MPP7: variants seen among roughly 807,000 people sequenced by gnomAD.
MPP7 encodes the protein MAGUK p55 subfamily member 7.
A neutral mutation model predicts 76.5 loss-of-function variants in MPP7; 60 were observed. The observed-to-expected ratio is 0.78, with a 90% CI of 0.64 to 0.97. The LOEUF is 0.97. MPP7 is among the 50% of genes least tolerant of loss of function. The pLI is 0.00. For missense variants in MPP7, 641 were observed against 694.0 expected (o/e 0.92, Z 0.86); for synonymous variants, 237 against 244.5 (o/e 0.97, Z 0.29).
intron 5 of MPP7, among the ~76,000 whole-genome samples, chr10:28,144,039 C>A (rs913708991): frequency 6.6e-6 from 1 of 152,100 alleles, no homozygotes; most frequent in Non-Finnish European, 1.5e-5. Context: ...CACCTGCCAC[C>A]GCCACCATAC....
At chr10:28,078,054 T>A (rs1327506503) in intron 12 of MPP7, among the ~76,000 whole-genome samples, 1 of 152,208 alleles carries the variant, frequency 6.6e-6, no homozygotes, top group Non-Finnish European at 1.5e-5. Context: ...GGCATGTGGC[T>A]TAGCTGGTGC....
chr10:28,138,350 C>T (rs1380886267), intron 5 of MPP7, among the ~76,000 whole-genome samples: 1 of 152,112 alleles, frequency 6.6e-6, no homozygotes, highest in Non-Finnish European at 1.5e-5. Context: ...CATCAATGCC[C>T]CTAAATGCCA....
chr10:28,058,645 A>G (rs1345867936), intron 14 of MPP7, 42 bp from the exon 15 acceptor site: 1 of 1,099,162 alleles, frequency 9.1e-7, no homozygotes, highest in Admixed American at 2.2e-5. Flanking sequence ...GTGAATTTAA[A>G]ACAATTATAG....
At chr10:28,276,326 T>C (rs1840496177) in intron 1 of MPP7, among the ~76,000 whole-genome samples, 1 of 152,116 alleles carries the variant, frequency 6.6e-6, no homozygotes, top group Non-Finnish European at 1.5e-5. Flanking sequence ...CCACCGTGCC[T>C]GGCCTTGTCA....
At position 28,059,642 on chromosome 10, in the gene MPP7, C is replaced by G. The variant is rs780985550; in HGVS notation, c.1298+8G>C. On this transcript the variant is annotated splice_region_variant and intron_variant, in intron 14 of 16. Coordinates refer to ENST00000683449, the MANE Select transcript of MPP7 (RefSeq NM_001318170.2). ...GTCACATGAAAATTCTCAAAAATGT[C>G]CACATACTTGTTATTTTGTACATCT... The G allele has an allele frequency of 2.5e-6, 4 of 1,601,140 alleles. No individual in the cohort carries two copies. Among genetic ancestry groups the G allele is most frequent in the Non-Finnish European group, 3.4e-6 (4 of 1,168,852 alleles).
chr10:28,292,421 T>C (rs1458105724), intron 1 of MPP7, among the ~76,000 whole-genome samples: 1 of 151,630 alleles, frequency 6.6e-6, no homozygotes, highest in Non-Finnish European at 1.5e-5. Context: ...TAGGGTCTCT[T>C]ACTGTAACAA....
intron 11 of MPP7, among the ~76,000 whole-genome samples, chr10:28,101,802 C>G (rs1853835790): frequency 6.6e-6 from 1 of 151,650 alleles, no homozygotes; most frequent in Non-Finnish European, 1.5e-5. Context: ...TTATTTTGTA[C>G]TGCAGTAGGA....
At chr10:28,118,441 A>C in intron 11 of MPP7, 3 of 984,980 alleles carry the variant, frequency 3.0e-6, no homozygotes, top group Non-Finnish European at 3.6e-6. Context: ...TAAGTGACAC[A>C]TTATCTTATC....
intron 1 of MPP7, among the ~76,000 whole-genome samples, chr10:28,302,573 C>CCCGCCG (rs1423159585): frequency 1.3e-5 from 2 of 152,204 alleles, no homozygotes; most frequent in African/African-American, 2.4e-5. Flanking sequence ...CTGGGTCTGC[C>CCCGCCG]CCGCCGCCGC....
intron 1 of MPP7, among the ~76,000 whole-genome samples, chr10:28,296,554 C>G (rs1235808822): frequency 6.6e-6 from 1 of 152,164 alleles, no homozygotes; most frequent in Non-Finnish European, 1.5e-5. Context: ...AGTTCTATAC[C>G]CAAAATGGAT....
intron 5 of MPP7, among the ~76,000 whole-genome samples, chr10:28,142,445 T>C (rs1835552951): frequency 6.6e-6 from 1 of 152,168 alleles, no homozygotes; most frequent in South Asian, 2.1e-4. Context: ...AGAATATTAG[T>C]TGGGGCTGTG....
At chr10:28,318,413 T>C (rs928408647) in intron 2 of MPP7, among the ~76,000 whole-genome samples, 11 of 152,108 alleles carry the variant, frequency 7.2e-5, no homozygotes, top group Non-Finnish European at 7.4e-5. Context: ...GGGTCAGGCA[T>C]GGTGGCTGAC....
rs145206422 is a variant in MPP7, at chr10:28,317,558, C to T, written c.-132+12371G>A. The stretch of plus-strand genomic sequence containing the variant: ...AAAATAAAGGGTAAAAAATTGTTTT[C>T]GGTAAAGATTGATTTAGCTCCCAAG... On this transcript the variant is annotated intron_variant, in intron 2 of 11. Transcript: ENST00000441595. 4.4e-3 allele frequency among the ~76,000 whole-genome samples: 667 copies of T among 152,210 alleles called. 3 individuals carry two copies. Among genetic ancestry groups the T allele is most frequent in the African/African-American group, 5.5e-3 (230 of 41,536 alleles).
chr10:28,219,713 G>A (rs1489440891), intron 2 of MPP7, among the ~76,000 whole-genome samples: 2 of 151,802 alleles, frequency 1.3e-5, no homozygotes, highest in Non-Finnish European at 2.9e-5. Context: ...GTCAGGCATC[G>A]GACCAAAACG....
intron 1 of MPP7, among the ~76,000 whole-genome samples, chr10:28,239,793 C>T (rs549953652): frequency 1.1e-4 from 17 of 152,262 alleles, no homozygotes; most frequent in African/African-American, 3.9e-4. Flanking sequence ...GCTGCTAGTT[C>T]TGTGATCTTC....
chr10:28,092,693 C>G (rs1853370582), intron 11 of MPP7, among the ~76,000 whole-genome samples: 1 of 150,514 alleles, frequency 6.6e-6, no homozygotes, highest in Admixed American at 6.6e-5. Flanking sequence ...CCACCTCAGC[C>G]CCCTGAGTAG....
At chr10:28,203,496 TAAAAAAAAAA>T (rs72465209) in intron 2 of MPP7, among the ~76,000 whole-genome samples, 2 of 129,872 alleles carry the variant, frequency 1.5e-5, no homozygotes, top group Admixed American at 7.6e-5. Context: ...AAACAGTCTT[TAAAAAAAAAA>T]AAAAAAAAAA....
chr10:28,157,179 C>T (rs1316723323), intron 3 of MPP7, among the ~76,000 whole-genome samples: 1 of 152,104 alleles, frequency 6.6e-6, no homozygotes, highest in East Asian at 1.9e-4. Flanking sequence ...CATTGCACTT[C>T]AGCCTGGGCA....
Position 28,119,650 on chromosome 10 carries a change from C to G in MPP7, c.952+1G>C. The G allele has an allele frequency of 6.2e-7, 1 of 1,612,518 alleles. No homozygotes were observed. The highest frequency in any genetic ancestry group is 8.5e-7 in the Non-Finnish European group (1 of 1,178,714). ...CTCTGCATTCTTATTAACAAACTTA[C>G]ATGATTTCCTGTTGGAAACTTTCAG... On this transcript the variant is annotated splice_donor_variant, in intron 11 of 16. Coordinates refer to ENST00000683449, the MANE Select transcript of MPP7 (RefSeq NM_001318170.2). LOFTEE classifies it high-confidence loss of function.
Sources: allele counts gnomAD v4.1 joint callset (sites outside exome capture counted in the v4.1 genomes callset), GRCh38; gene constraint gnomAD v4.1.1; transcripts MANE v1.5; gene names NCBI Gene and HGNC (gene_info 2026-07-23, HGNC 2026-07-21).